Variants in SLC12A3 observed in about 807,000 individuals in gnomAD.
SLC12A3 encodes solute carrier family 12 member 3, also known as Na-Cl cotransporter.
SLC12A3 carries 104 observed loss-of-function variants against 121.0 expected under a neutral mutation model. That is an observed-to-expected ratio of 0.86 (90% CI 0.73 to 1.01). The LOEUF (loss-of-function observed/expected upper bound fraction) is 1.01. Among genes scored for constraint, SLC12A3 ranks in the 50% least tolerant of loss-of-function variants. The probability of loss-of-function intolerance (pLI) is 0.00; values close to 1 mark genes in which losing one functional copy is unlikely to be tolerated. For synonymous variants in SLC12A3, 536 were observed against 533.4 expected, an observed-to-expected ratio of 1.00 and a Z score of -0.07; for missense variants, 1,328 against 1,356.3, an observed-to-expected ratio of 0.98 and a Z score of 0.33.
At chr16:56,885,386 C>T (rs1314640104) in intron 15 of SLC12A3, 22 bp downstream of exon 15, 1 of 1,456,012 alleles carries the variant, frequency 6.9e-7, no homozygotes, top group Admixed American at 2.0e-5. Context: ...TGCTGGGACC[C>T]ACCTGGGACC....
Position 56,880,131 on chromosome 16 carries a change from G to T in SLC12A3, c.1445G>T (p.Cys482Phe), listed in dbSNP as rs1338467875. 1 of 1,605,282 alleles carries T rather than the reference G, an allele frequency of 6.2e-7. No homozygotes were observed. Among genetic ancestry groups the T allele is most frequent in the Admixed American group, 1.7e-5 (1 of 58,440 alleles). ...CLVSAAKVFQ[C>F]LCEDQLYPLI... ...TGAGTGCGGCATCTGGTGCTGCAGT[G>T]CCTTTGCGAGGACCAGCTGTACCCA... Residue 482 changes from cysteine to phenylalanine, a missense_variant and splice_region_variant, in exon 12 of 26, where the codon TGC (cysteine) becomes TTC (phenylalanine). Coordinates refer to ENST00000563236, the MANE Select transcript of SLC12A3 (RefSeq NM_001126108.2).
Position 56,879,621 on chromosome 16 carries a change from G to A in SLC12A3, c.1415G>A (p.Cys472Tyr). Residue 472 changes from cysteine to tyrosine, a missense_variant, in exon 11 of 26, where the codon TGC becomes TAC. Transcript: ENST00000563236. ...GCCACCCTCTCCTCTGCCCTGGCCT[G>A]CCTTGTCTCTGCTGCCAAAGTCTTC... ...FGATLSSALA[C>Y]LVSAAKVFQC... is the part of the protein sequence containing the mutation. 6.2e-7 allele frequency: 1 copy of A among 1,613,502 alleles called. No homozygotes were observed.
chr16:56,905,915 A>C (rs2055602561), intron 25 of SLC12A3, among the ~76,000 whole-genome samples: 1 of 152,218 alleles, frequency 6.6e-6, no homozygotes, highest in Non-Finnish European at 1.5e-5. Context: ...ATAAATCTGC[A>C]AAATGCATCC....
At chr16:56,908,474 C>A (rs1436578638) in intron 25 of SLC12A3, among the ~76,000 whole-genome samples, 2 of 151,936 alleles carry the variant, frequency 1.3e-5, no homozygotes, top group African/African-American at 4.8e-5. Context: ...ATAGTGTAGT[C>A]AATTGTGTTG....
In SLC12A3 at chr16:56,887,800, T is replaced by TATA. The variant is rs2055337793; in HGVS notation, c.2179-125_2179-124insATA. 401 of 48,328 alleles carry TATA rather than the reference T, an allele frequency of 8.3e-3. 1 individual carries two copies. Among genetic ancestry groups the TATA allele is most frequent in the Middle Eastern group, 0.044 (3 of 68 alleles). 3.0% of individuals were successfully genotyped at this position (48,328 alleles called of 1,614,324 possible). A position where few individuals can be genotyped will look rare whatever the true frequency, so the allele number is the denominator to read the frequency against. ...TATATATATATATATATATATATATTTTTTTTTTTTTTTTTTTTGAGAATC... is the reference window on the plus strand; with the variant it reads ...TATATATATATATATATATATATATTATATTTTTTTTTTTTTTTTTTGAGAATC... On this transcript the variant is annotated intron_variant, in intron 17 of 25. Coordinates refer to ENST00000563236, the MANE Select transcript of SLC12A3 (RefSeq NM_001126108.2).
At position 56,869,418 on chromosome 16, in the gene SLC12A3, C is replaced by T. The variant is rs542939199; in HGVS notation, c.506-311C>T. Among the ~76,000 whole-genome samples, 17 of 152,260 alleles carry T rather than the reference C, an allele frequency of 1.1e-4. No homozygotes were observed. In the East Asian group the frequency reaches 1.9e-3, roughly 17 times the overall value. Reference sequence around the variant, plus strand: ...TCTCGGCTCACTGCAACCTCCGCCTCCTGGGTTCAAGCGATTCTCCTGCCT... The same window carrying T: ...TCTCGGCTCACTGCAACCTCCGCCTTCTGGGTTCAAGCGATTCTCCTGCCT... On this transcript the variant is annotated intron_variant, in intron 3 of 25. Transcript: ENST00000563236.
intron 25 of SLC12A3, among the ~76,000 whole-genome samples, chr16:56,912,827 G>C (rs1285764627): frequency 3.3e-5 from 5 of 152,226 alleles, no homozygotes; most frequent in Admixed American, 3.3e-4. Context: ...GATCAGGGAG[G>C]AGGTGGGTGC....
At chr16:56,883,934 C>T (rs930492192) in intron 13 of SLC12A3, 115 bp from the exon 14 acceptor site, 114 of 1,192,152 alleles carry the variant, frequency 9.6e-5, no homozygotes, top group Admixed American at 3.5e-4. Flanking sequence ...TGGGTACAGG[C>T]TGGGACCCCG....
chr16:56,877,103 T>C (rs776933674), intron 8 of SLC12A3, among the ~76,000 whole-genome samples: 1 of 152,120 alleles, frequency 6.6e-6, no homozygotes, highest in African/African-American at 2.4e-5. Context: ...GTTAAGAAAA[T>C]ACGAGCGGCC....
At chr16:56,874,533 G>T (rs1214191420) in intron 8 of SLC12A3, among the ~76,000 whole-genome samples, 10 of 152,220 alleles carry the variant, frequency 6.6e-5, no homozygotes, top group Admixed American at 5.2e-4. Context: ...AGGCACAGTG[G>T]CTCATGCCTG....
chr16:56,884,024 C>G (rs2055276364), intron 13 of SLC12A3, 25 bp from the exon 14 acceptor site: 4 of 1,613,754 alleles, frequency 2.5e-6, no homozygotes, highest in Non-Finnish European at 3.4e-6. Context: ...CCAGGCATGC[C>G]CACTGACTGG....
intron 12 of SLC12A3, 149 bp from the exon 13 acceptor site, chr16:56,882,247 A>C (rs1425954578): frequency 8.4e-6 from 6 of 716,066 alleles, no homozygotes; most frequent in Non-Finnish European, 1.5e-5. Flanking sequence ...CTCACAGATG[A>C]GGTGGACCCA....
chr16:56,901,345 C>CTTTTT (rs1408480661), intron 23 of SLC12A3, among the ~76,000 whole-genome samples: 2 of 84,144 alleles, frequency 2.4e-5, no homozygotes, highest in African/African-American at 1.2e-4. Context: ...ATCTCTCTCT[C>CTTTTT]TCTTTTTTTT....
At position 56,887,930 on chromosome 16, in the gene SLC12A3, A is replaced by G; in HGVS notation, c.2184A>G (p.Ala728=). The G allele has an allele frequency of 6.2e-7, 1 of 1,610,566 alleles. No homozygotes were observed. The highest frequency in any genetic ancestry group is 2.2e-5 in the East Asian group (1 of 44,744). ...RRGVQILMQA[A]GLGRMKPNIL... ...TCACCCCTATCCCCTGGCAGGCCGCAGGTCTCGGGAGAATGAAGCCCAACA... is the reference window on the plus strand; with the variant it reads ...TCACCCCTATCCCCTGGCAGGCCGCGGGTCTCGGGAGAATGAAGCCCAACA... The change falls in exon 18 of 26, where the codon GCA becomes GCG. Residue 728 remains alanine (A), a synonymous_variant. Coordinates refer to ENST00000563236, the MANE Select transcript of SLC12A3 (RefSeq NM_001126108.2).
rs1555499234 is a variant in SLC12A3, at chr16:56,867,069, GC to G, written c.283del (p.Gln95ArgfsTer19). 1.9e-6 allele frequency: 3 copies of G among 1,612,226 alleles called. No individual in the cohort carries two copies. Among genetic ancestry groups the G allele is most frequent in the Non-Finnish European group, 2.5e-6 (3 of 1,180,024 alleles). On this transcript the variant is annotated frameshift_variant and splice_region_variant, in exon 2 of 26. Transcript: ENST00000563236. LOFTEE classifies it high-confidence loss of function. ...CTGACTTGTGGTCTCTGGGCTGCCA[GC>G]AGGAAGGCAGACACCTGCATGCCCT... ...TLADLHSFLK[Q>X]EGRHLHALAF...
rs2055549479 is a variant in SLC12A3 at position 56,902,391 on chromosome 16, C to T, written c.2739C>T (p.Asp913=). ...PRAEHTKRFE[D]MIAPFRLNDG... ...TCCCCAGCACCAAGAGGTTTGAGGA[C>T]ATGATTGCACCCTTCCGTCTGAATG... Residue 913 remains aspartate, a synonymous_variant, in exon 24 of 26, where the codon GAC becomes GAT. Transcript: ENST00000563236. 1.2e-6 allele frequency: 2 copies of T among 1,613,930 alleles called. No individual in the cohort carries two copies. The highest frequency in any genetic ancestry group is 1.3e-5 in the African/African-American group (1 of 74,894).
intron 21 of SLC12A3, 44 bp from the exon 22 acceptor site, chr16:56,894,487 C>T (rs1302458624): frequency 8.6e-6 from 12 of 1,397,276 alleles, no homozygotes; most frequent in Non-Finnish European, 1.1e-5. Flanking sequence ...GTGCTCTGTC[C>T]TGAGTGTATT....
intron 5 of SLC12A3, 98 bp downstream of exon 5, chr16:56,870,333 G>A: frequency 7.4e-7 from 1 of 1,344,264 alleles, no homozygotes; most frequent in African/African-American, 1.4e-5. Flanking sequence ...TGCTCTGCCT[G>A]ACTTCACCCA....
At chr16:56,885,858 A>G (rs1287240528) in intron 15 of SLC12A3, among the ~76,000 whole-genome samples, 1 of 152,190 alleles carries the variant, frequency 6.6e-6, no homozygotes, top group Non-Finnish European at 1.5e-5. Flanking sequence ...GGTCCAGGAA[A>G]TTACTAACCC....
Sources: allele counts gnomAD v4.1 joint callset (sites outside exome capture counted in the v4.1 genomes callset), GRCh38; gene constraint gnomAD v4.1.1; transcripts MANE v1.5; gene names NCBI Gene and HGNC (gene_info 2026-07-23, HGNC 2026-07-21).